Variants in RP1 observed in about 807,000 individuals in gnomAD.
RP1 encodes the protein oxygen-regulated protein 1.
A neutral mutation model predicts 14.8 loss-of-function variants in RP1; 16 were observed. That is an observed-to-expected ratio of 1.08 (90% CI 0.73 to 1.65). The LOEUF (loss-of-function observed/expected upper bound fraction) is 1.65, where lower values mean the gene tolerates loss of function less well. RP1 is among the 40% of genes most tolerant of loss of function. The pLI is 0.00. For synonymous variants in RP1, 876 were observed against 883.6 expected (o/e 0.99, Z 0.15); for missense variants, 2,631 against 2,535.0 (o/e 1.04, Z -0.81).
At chr8:54,725,226 T>A (rs1247145573) in intron 16 of RP1, among the ~76,000 whole-genome samples, 3 of 152,162 alleles carry the variant, frequency 2.0e-5, no homozygotes, top group African/African-American at 7.2e-5. Flanking sequence ...GAATCTTAAA[T>A]TTTTTTCCTC....
At chr8:54,643,035 A>AT (rs769991449) in intron 3 of RP1, among the ~76,000 whole-genome samples, 2 of 150,796 alleles carry the variant, frequency 1.3e-5, no homozygotes, top group Non-Finnish European at 3.0e-5. Flanking sequence ...ATTCCTGTCC[A>AT]TTTTTCCATT....
intron 16 of RP1, among the ~76,000 whole-genome samples, chr8:54,721,982 C>T (rs928120814): frequency 6.6e-6 from 1 of 152,088 alleles, no homozygotes; most frequent in South Asian, 2.1e-4. Context: ...GTGGCTCACG[C>T]TTATAATCCC....
chr8:54,756,961 T>C (rs758252002), intron 21 of RP1, among the ~76,000 whole-genome samples: 1 of 152,168 alleles, frequency 6.6e-6, no homozygotes, highest in Non-Finnish European at 1.5e-5. Context: ...GGGTAGGAGA[T>C]ATAGTTGCAA....
At chr8:54,812,921 T>C (rs993514329) in intron 24 of RP1, among the ~76,000 whole-genome samples, 3 of 152,246 alleles carry the variant, frequency 2.0e-5, no homozygotes, top group Non-Finnish European at 4.4e-5. Context: ...TATTTCAGGT[T>C]CTTAAATGCC....
Position 54,708,595 on chromosome 8 carries a change from G to A in RP1, c.2211+1940G>A, listed in dbSNP as rs535631193. Among the ~76,000 whole-genome samples, 34 of 152,036 alleles carry A rather than the reference G, an allele frequency of 2.2e-4. 1 individual carries two copies. The highest frequency in any genetic ancestry group is 4.6e-4 in the Non-Finnish European group (31 of 67,994). On this transcript the variant is annotated intron_variant, in intron 15 of 22. Transcript: ENST00000636932. Reference sequence around the variant, plus strand: ...AGGATGGTCTCGATCTTCTGACCTCGTGATCCACCTGCCTCAACCTCCCAA... The same window carrying A: ...AGGATGGTCTCGATCTTCTGACCTCATGATCCACCTGCCTCAACCTCCCAA...
Position 54,700,860 on chromosome 8 carries a change from G to T in RP1, c.1822-626G>T, listed in dbSNP as rs543625140. Among the ~76,000 whole-genome samples, 4 of 152,248 alleles carry T rather than the reference G, an allele frequency of 2.6e-5. No homozygotes were observed. The East Asian group carries it at 7.7e-4, about 29-fold the overall frequency. On this transcript the variant is annotated intron_variant, in intron 13 of 22. Transcript: ENST00000636932. The stretch of plus-strand genomic sequence containing the variant: ...AGATGTGCTCATCCAGTGTCAGATG[G>T]TTTCTTGCAGATCAATAGCTCTGCC...
chr8:54,743,981 C>G (rs1435574944), intron 19 of RP1, among the ~76,000 whole-genome samples: 1 of 152,136 alleles, frequency 6.6e-6, no homozygotes, highest in Non-Finnish European at 1.5e-5. Flanking sequence ...GTTTTTCATT[C>G]CTCTCTTGGA....
At chr8:54,649,774 TCACCATGAAAA>T (rs1806619662) in intron 4 of RP1, among the ~76,000 whole-genome samples, 1 of 152,094 alleles carries the variant, frequency 6.6e-6, no homozygotes, top group East Asian at 1.9e-4. Context: ...CAGAGTAAAA[TCACCATGAAAA>T]AAGAGTCTCC....
intron 6 of RP1, among the ~76,000 whole-genome samples, chr8:54,657,488 G>A (rs1324543202): frequency 2.0e-5 from 3 of 152,120 alleles, no homozygotes; most frequent in African/African-American, 7.2e-5. Flanking sequence ...TAAGCCTTTA[G>A]TTATCTAGGT....
chr8:54,859,675 TA>T (rs2049054252), intron 27 of RP1, among the ~76,000 whole-genome samples: 1 of 151,958 alleles, frequency 6.6e-6, no homozygotes, highest in African/African-American at 2.4e-5. Flanking sequence ...TGGAGTTGTT[TA>T]ACTGTGGAGC....
At chr8:54,577,295 C>T (rs926369805) in intron 1 of RP1, among the ~76,000 whole-genome samples, 23 of 152,196 alleles carry the variant, frequency 1.5e-4, no homozygotes, top group African/African-American at 5.1e-4. Context: ...GGATTACAGG[C>T]GTGAGCTGCC....
chr8:54,729,459 T>G (rs1336585641), intron 17 of RP1, among the ~76,000 whole-genome samples: 6 of 152,058 alleles, frequency 3.9e-5, no homozygotes, highest in African/African-American at 1.5e-4. Flanking sequence ...TAAGTTGAAG[T>G]CTTCCTTAAA....
At chr8:54,586,113 C>G (rs560206401) in intron 1 of RP1, among the ~76,000 whole-genome samples, 1 of 152,156 alleles carries the variant, frequency 6.6e-6, no homozygotes, top group East Asian at 1.9e-4. Flanking sequence ...CTGTTTTTTC[C>G]CCATCTTTGT....
chr8:54,623,944 G>T (rs1174833702), intron 3 of RP1, among the ~76,000 whole-genome samples: 1 of 152,088 alleles, frequency 6.6e-6, no homozygotes, highest in East Asian at 1.9e-4. Context: ...ACAACGAAAT[G>T]AAAACCCACA....
rs1806045632 is a variant in RP1, at chr8:54,626,283, G to A, written c.2401G>A (p.Val801Met). Residue 801 changes from valine (V) to methionine (M), a missense_variant, in exon 4 of 4, where the codon GTG becomes ATG. By Grantham distance (21) the Val-to-Met change is conservative. Transcript: ENST00000220676. ...KKREIGQRDKVFPHNESKYCK... is the reference protein window; with the variant it reads ...KKREIGQRDKMFPHNESKYCK... Reference sequence around the variant, plus strand: ...AAGAGAAATCGGTCAAAGAGATAAAGTGTTTCCTCACAATGAATCTAAATA... The same window carrying A: ...AAGAGAAATCGGTCAAAGAGATAAAATGTTTCCTCACAATGAATCTAAATA... The A allele has an allele frequency of 6.2e-7, 1 of 1,613,282 alleles. No homozygotes were observed. The highest frequency in any genetic ancestry group is 1.1e-5 in the South Asian group (1 of 91,040).
intron 5 of RP1, among the ~76,000 whole-genome samples, chr8:54,653,834 T>C (rs1806703818): frequency 6.6e-6 from 1 of 152,206 alleles, no homozygotes; most frequent in Non-Finnish European, 1.5e-5. Context: ...TAAATGATCA[T>C]ATATGACAAT....
Position 54,626,731 on chromosome 8 carries a change from A to G in RP1, c.2849A>G (p.Asn950Ser). Residue 950 changes from asparagine (N) to serine (S), a missense_variant, in exon 4 of 4, where the codon AAT (asparagine) becomes AGT (serine). Asn to Ser is a conservative substitution (Grantham distance 46). Transcript: ENST00000220676. ...NETSVVNCSN[N>S]SFSGNDPHTN... ...ACGAGTGTGGTAAATTGTAGCAATA[A>G]TAGTTTTTCAGGGAATGATCCCCAT... The G allele has an allele frequency of 6.2e-7, 1 of 1,614,012 alleles. No homozygotes were observed. Among genetic ancestry groups the G allele is most frequent in the Non-Finnish European group, 8.5e-7 (1 of 1,179,956 alleles).
At chr8:54,698,518 C>G (rs1807929868) in intron 12 of RP1, among the ~76,000 whole-genome samples, 1 of 152,098 alleles carries the variant, frequency 6.6e-6, no homozygotes, top group South Asian at 2.1e-4. Flanking sequence ...ACCATTTGAC[C>G]CAGCAAATCC....
At chr8:54,704,224 T>C (rs1183968817) in intron 14 of RP1, among the ~76,000 whole-genome samples, 1 of 152,186 alleles carries the variant, frequency 6.6e-6, no homozygotes, top group African/African-American at 2.4e-5. Context: ...GCTTTTGATT[T>C]AAAGCAGGAG....
Sources: allele counts gnomAD v4.1 joint callset (sites outside exome capture counted in the v4.1 genomes callset), GRCh38; gene constraint gnomAD v4.1.1; transcripts MANE v1.5; gene names NCBI Gene and HGNC (gene_info 2026-07-23, HGNC 2026-07-21).